ITGAE: variants seen among roughly 807,000 people sequenced by gnomAD.
ITGAE encodes integrin subunit alpha E, also known as integrin alpha-E.
A neutral mutation model predicts 136.5 loss-of-function variants in ITGAE; 99 were observed. The observed-to-expected ratio is 0.73, with a 90% CI of 0.62 to 0.86. The LOEUF is 0.86. Among genes scored for constraint, ITGAE ranks in the 40% least tolerant of loss-of-function variants. The probability of loss-of-function intolerance (pLI) is 0.00; values close to 1 mark genes in which losing one functional copy is unlikely to be tolerated. For synonymous variants in ITGAE, 613 were observed against 591.8 expected (o/e 1.04, Z -0.52); for missense variants, 1,447 against 1,515.3 (o/e 0.95, Z 0.75).
intron 1 of ITGAE, among the ~76,000 whole-genome samples, chr17:3,796,822 C>A (rs2053116398): frequency 1.3e-5 from 2 of 152,148 alleles, no homozygotes. Flanking sequence ...ACAATAAGTA[C>A]CACGATTCCC....
At chr17:3,757,261 C>T (rs2052051219) in intron 9 of ITGAE, 127 bp from the exon 10 acceptor site, 1 of 1,178,304 alleles carries the variant, frequency 8.5e-7, no homozygotes, top group Non-Finnish European at 1.2e-6. Flanking sequence ...CTTTCTCCTC[C>T]TTTCCCTGCT....
At chr17:3,755,934 C>G in intron 10 of ITGAE, 37 bp from the exon 11 acceptor site, 1 of 1,560,368 alleles carries the variant, frequency 6.4e-7, no homozygotes, top group Non-Finnish European at 8.7e-7. Flanking sequence ...TGCTGTGGGC[C>G]GAGGTGAAGG....
rs1028745590 is a variant in ITGAE, at chr17:3,764,450, A to C, written c.156-490T>G. Among the ~76,000 whole-genome samples the C allele has an allele frequency of 3.9e-5, 6 of 152,302 alleles. 1 individual carries two copies. ...GGCGGCTCACGCCTGTAATCCCAGC[A>C]CTTTGGGAGGCTGAGGCAGGTGGAT... On this transcript the variant is annotated intron_variant, in intron 2 of 30. Transcript: ENST00000263087.
rs146582951 is a variant in ITGAE at position 3,719,676 on chromosome 17, G to C, written c.3333+631C>G. Among the ~76,000 whole-genome samples, 424 of 152,230 alleles carry C rather than the reference G, an allele frequency of 2.8e-3. 3 individuals are homozygous for C. The highest frequency in any genetic ancestry group is 9.7e-3 in the African/African-American group (404 of 41,524). On this transcript the variant is annotated intron_variant, in intron 29 of 30. Coordinates refer to ENST00000263087, the MANE Select transcript of ITGAE (RefSeq NM_002208.5). Reference sequence around the variant, plus strand: ...ACTAAACACTGATACAGCACACTAAGACAGTTACTGGATACAAAAAACAAT... The same window carrying C: ...ACTAAACACTGATACAGCACACTAACACAGTTACTGGATACAAAAAACAAT...
At chr17:3,759,124 C>CA (rs571819995) in intron 8 of ITGAE, among the ~76,000 whole-genome samples, 11,050 of 86,230 alleles carry the variant, frequency 0.13, 494 homozygotes, top group East Asian at 0.22. Context: ...GACTCCATCT[C>CA]AAAAAAAAAA....
chr17:3,765,292 T>C (rs2143157992), intron 2 of ITGAE, among the ~76,000 whole-genome samples: 1 of 131,916 alleles, frequency 7.6e-6, no homozygotes, highest in East Asian at 2.2e-4. Flanking sequence ...GAGGTTGCAG[T>C]GAGCCGAGAT....
At chr17:3,767,364 C>T (rs2052325119) in intron 2 of ITGAE, among the ~76,000 whole-genome samples, 1 of 152,064 alleles carries the variant, frequency 6.6e-6, no homozygotes, top group South Asian at 2.1e-4. Flanking sequence ...TCCCAAATTG[C>T]TGGGATTACA....
At chr17:3,754,878 C>T (rs541983538) in intron 12 of ITGAE, among the ~76,000 whole-genome samples, 1,953 of 148,730 alleles carry the variant, frequency 0.013, 19 homozygotes, top group Middle Eastern at 0.026. Flanking sequence ...AGCCCCCAGG[C>T]CCCACCCTCG....
At position 3,726,566 on chromosome 17, in the gene ITGAE, G is replaced by A. The variant is rs1198572867; in HGVS notation, c.3084+1353C>T. ...AAACTAGCCGGGCACAGTGGCGTGCGCCTGTAGTCCCAGCTACTCGGGAGG... is the reference window on the plus strand; with the variant it reads ...AAACTAGCCGGGCACAGTGGCGTGCACCTGTAGTCCCAGCTACTCGGGAGG... On this transcript the variant is annotated intron_variant, in intron 26 of 30. Coordinates refer to ENST00000263087, the MANE Select transcript of ITGAE (RefSeq NM_002208.5). The A allele has an allele frequency of 5.6e-5, 28 of 500,372 alleles. No individual in the cohort carries two copies. In the East Asian group the frequency reaches 7.9e-4, roughly 14 times the overall value. 31.0% of individuals were successfully genotyped at this position (500,372 alleles called of 1,614,324 possible). A position where few individuals can be genotyped will look rare whatever the true frequency, so the allele number is the denominator to read the frequency against.
chr17:3,797,388 A>G (rs1000658827), intron 1 of ITGAE, among the ~76,000 whole-genome samples: 14 of 150,262 alleles, frequency 9.3e-5, no homozygotes, highest in African/African-American at 3.2e-4. Context: ...GATGGTCTCG[A>G]TCTCCTGACC....
At chr17:3,771,577 G>A (rs11649848) in intron 2 of ITGAE, among the ~76,000 whole-genome samples, 15,842 of 101,684 alleles carry the variant, frequency 0.16, 1,012 homozygotes, top group East Asian at 0.24. Context: ...TTTCATTCTT[G>A]TTGCCCAGGC....
intron 1 of ITGAE, among the ~76,000 whole-genome samples, chr17:3,792,153 G>A: frequency 6.6e-6 from 1 of 152,060 alleles, no homozygotes; most frequent in Non-Finnish European, 1.5e-5. Context: ...ATGGAGTCTG[G>A]CCCTGTTGCC....
At position 3,746,067 on chromosome 17, in the gene ITGAE, G is replaced by C. The variant is rs901527041; in HGVS notation, c.2156-140C>G. ...GGTACTTCCCTGCGGCTGGACTCCT[G>C]CGTCGGTTTTTCAAAGATATTTTTC... On this transcript the variant is annotated intron_variant, in intron 17 of 30. Coordinates refer to ENST00000263087, the MANE Select transcript of ITGAE (RefSeq NM_002208.5). 14 of 730,504 alleles carry C rather than the reference G, an allele frequency of 1.9e-5. No individual in the cohort carries two copies. The African/African-American group carries it at 2.5e-4, about 13-fold the overall frequency. The allele number at this position is 730,504 out of a possible 1,614,324, so 45.3% of individuals were successfully genotyped here.
At chr17:3,759,646 CCTT>C (rs2052117287) in intron 7 of ITGAE, 93 bp from the exon 8 acceptor site, 3 of 1,427,868 alleles carry the variant, frequency 2.1e-6, no homozygotes, top group Non-Finnish European at 1.9e-6. Flanking sequence ...AAAATCCACT[CCTT>C]CTACCTTATC....
chr17:3,753,463 G>T lies in ITGAE; in HGVS notation c.1528-33C>A, dbSNP rs367984706. On this transcript the variant is annotated intron_variant, in intron 13 of 30. Coordinates refer to ENST00000263087, the MANE Select transcript of ITGAE (RefSeq NM_002208.5). The stretch of plus-strand genomic sequence containing the variant: ...CCGGGAGGAACTCAGCTCACCAGGA[G>T]CCCCGCTCCTGCACCCCTCAGCAAG... 6 of 1,606,696 alleles carry T rather than the reference G, an allele frequency of 3.7e-6. No homozygotes were observed. The Admixed American group carries it at 6.7e-5, about 18-fold the overall frequency.
intron 2 of ITGAE, among the ~76,000 whole-genome samples, chr17:3,772,550 G>A (rs1046000827): frequency 1.3e-4 from 19 of 149,836 alleles, no homozygotes; most frequent in African/African-American, 3.2e-4. Flanking sequence ...TGCAAGCTCC[G>A]CCTCCCGCGT....
At chr17:3,773,249 T>C (rs2052468203) in intron 2 of ITGAE, among the ~76,000 whole-genome samples, 1 of 152,134 alleles carries the variant, frequency 6.6e-6, no homozygotes, top group African/African-American at 2.4e-5. Flanking sequence ...CCCAGCACTT[T>C]GAGAGGCCGA....
intron 1 of ITGAE, among the ~76,000 whole-genome samples, chr17:3,787,974 C>A (rs1021099952): frequency 6.6e-5 from 10 of 152,070 alleles, no homozygotes; most frequent in African/African-American, 2.4e-4. Flanking sequence ...CAGGTGTGAG[C>A]CACCACACCT....
intron 20 of ITGAE, among the ~76,000 whole-genome samples, chr17:3,735,991 A>T (rs1321361725): frequency 1.3e-5 from 2 of 152,162 alleles, no homozygotes; most frequent in African/African-American, 4.8e-5. Context: ...TAAAAATACA[A>T]AAAGTAGCCG....
Sources: allele counts gnomAD v4.1 joint callset (sites outside exome capture counted in the v4.1 genomes callset), GRCh38; gene constraint gnomAD v4.1.1; transcripts MANE v1.5; gene names NCBI Gene and HGNC (gene_info 2026-07-23, HGNC 2026-07-21).